The following IGF1R variants were observed in gnomAD, a reference collection of about 807,000 sequenced individuals.
The protein encoded by IGF1R is insulin like growth factor 1 receptor, also known as insulin-like growth factor 1 receptor.
In IGF1R, 44 loss-of-function variants were observed where a neutral mutation model predicts 144.6. The observed-to-expected ratio is 0.30, with a 90% CI of 0.24 to 0.39. IGF1R has a LOEUF of 0.39. Among genes scored for constraint, IGF1R ranks in the 10% least tolerant of loss-of-function variants. The probability of loss-of-function intolerance (pLI) is 1.00; values close to 1 mark genes in which losing one functional copy is unlikely to be tolerated. For synonymous variants in IGF1R, 795 were observed against 722.8 expected (o/e 1.10, Z -1.60); for missense variants, 1,355 against 1,833.7 (o/e 0.74, Z 4.77).
intron 2 of IGF1R, chr15:98,890,650 T>C (rs2013862061): frequency 6.5e-6 from 1 of 154,138 alleles, no homozygotes; most frequent in South Asian, 2.0e-4. Context: ...TCTCTTGGGG[T>C]CTGGATCAGG....
intron 20 of IGF1R, among the ~76,000 whole-genome samples, chr15:98,949,760 G>A (rs1272004740): frequency 6.6e-6 from 1 of 152,200 alleles, no homozygotes; most frequent in Non-Finnish European, 1.5e-5. Context: ...TCACAGTGTT[G>A]GTGAGGCCTC....
At chr15:98,823,707 T>C (rs1447401341) in intron 2 of IGF1R, among the ~76,000 whole-genome samples, 3 of 152,172 alleles carry the variant, frequency 2.0e-5, no homozygotes, top group Non-Finnish European at 4.4e-5. Flanking sequence ...CCTGTTAAAT[T>C]CACAGTGCTT....
intron 2 of IGF1R, among the ~76,000 whole-genome samples, chr15:98,773,644 C>T (rs45540436): frequency 6.6e-6 from 1 of 152,064 alleles, no homozygotes; most frequent in Non-Finnish European, 1.5e-5. Flanking sequence ...AACTAGCATT[C>T]GAGCGTCCTC....
intron 2 of IGF1R, among the ~76,000 whole-genome samples, chr15:98,849,259 C>T (rs552717440): frequency 7.9e-5 from 12 of 152,104 alleles, no homozygotes; most frequent in Non-Finnish European, 1.6e-4. Context: ...TTTAGTTATT[C>T]GATAAAGGTA....
At chr15:98,953,517 A>G (rs2016859697) in intron 20 of IGF1R, among the ~76,000 whole-genome samples, 1 of 152,122 alleles carries the variant, frequency 6.6e-6, no homozygotes, top group Admixed American at 6.5e-5. Flanking sequence ...CACACAGATG[A>G]GCCAGGAGTG....
At chr15:98,940,187 A>G (rs900940205) in intron 18 of IGF1R, among the ~76,000 whole-genome samples, 1 of 152,198 alleles carries the variant, frequency 6.6e-6, no homozygotes, top group Non-Finnish European at 1.5e-5. Flanking sequence ...CTATGATACA[A>G]TGATAGTTTA....
At chr15:98,688,494 GCA>G (rs1412520784) in intron 1 of IGF1R, among the ~76,000 whole-genome samples, 4 of 151,478 alleles carry the variant, frequency 2.6e-5, no homozygotes, top group African/African-American at 9.7e-5. Context: ...CGTAGCGTTG[GCA>G]CATGTGGGAA....
In IGF1R at chr15:98,649,644, C is replaced by A. The variant is rs752179423; in HGVS notation, c.63C>A (p.Ala21=). ...TGTGGGGGCTCCTGTTTCTCTCCGCCGCGCTCTCGCTCTGGCCGACGAGTG... is the reference window on the plus strand; with the variant it reads ...TGTGGGGGCTCCTGTTTCTCTCCGCAGCGCTCTCGCTCTGGCCGACGAGTG... ...TSLWGLLFLS[A]ALSLWPTSGE... is the part of the protein sequence containing the mutation. The change falls in exon 1 of 21, where the codon GCC becomes GCA. Residue 21 remains alanine (A), a synonymous_variant. Coordinates refer to ENST00000650285, the MANE Select transcript of IGF1R (RefSeq NM_000875.5). 9.9e-6 allele frequency: 16 copies of A among 1,610,472 alleles called. No homozygotes were observed. Among genetic ancestry groups the A allele is most frequent in the Non-Finnish European group, 1.2e-5 (14 of 1,178,848 alleles).
intron 1 of IGF1R, among the ~76,000 whole-genome samples, chr15:98,658,008 T>G (rs2052524003): frequency 6.6e-6 from 1 of 152,184 alleles, no homozygotes; most frequent in African/African-American, 2.4e-5. Flanking sequence ...CTGATGGACT[T>G]GCCAGCTCCA....
At chr15:98,948,155 G>A (rs985665318) in intron 19 of IGF1R, among the ~76,000 whole-genome samples, 1 of 152,192 alleles carries the variant, frequency 6.6e-6, no homozygotes, top group African/African-American at 2.4e-5. Flanking sequence ...AGGCTACTAA[G>A]TCAATGTCCA....
At chr15:98,847,241 T>C (rs2011365161) in intron 2 of IGF1R, among the ~76,000 whole-genome samples, 1 of 152,176 alleles carries the variant, frequency 6.6e-6, no homozygotes, top group African/African-American at 2.4e-5. Context: ...ACTCCCAAAG[T>C]GCTGGGATTA....
At chr15:98,794,084 G>A (rs1202057986) in intron 2 of IGF1R, among the ~76,000 whole-genome samples, 11 of 152,182 alleles carry the variant, frequency 7.2e-5, no homozygotes, top group African/African-American at 2.2e-4. Flanking sequence ...GTCACAAATG[G>A]CAGTGTCCTC....
chr15:98,776,630 G>A (rs2055723142), intron 2 of IGF1R, among the ~76,000 whole-genome samples: 2 of 152,096 alleles, frequency 1.3e-5, no homozygotes, highest in South Asian at 4.2e-4. Context: ...AATAACATAG[G>A]TGCATGTGAA....
At chr15:98,947,658 C>G (rs1041913917) in intron 19 of IGF1R, among the ~76,000 whole-genome samples, 2 of 152,328 alleles carry the variant, frequency 1.3e-5, no homozygotes, top group South Asian at 4.1e-4. Flanking sequence ...TGTGTGTACT[C>G]TCTGTTTTGT....
intron 2 of IGF1R, among the ~76,000 whole-genome samples, chr15:98,834,299 C>G (rs1042076622): frequency 2.6e-5 from 4 of 152,212 alleles, no homozygotes; most frequent in Non-Finnish European, 5.9e-5. Flanking sequence ...TGGTGGAAAC[C>G]TCAGAAGCTG....
chr15:98,677,386 A>G (rs2053075174), intron 1 of IGF1R, among the ~76,000 whole-genome samples: 1 of 152,180 alleles, frequency 6.6e-6, no homozygotes, highest in African/African-American at 2.4e-5. Context: ...TGTGCCGAGA[A>G]TCATTGATGA....
At chr15:98,698,832 T>G (rs2053658529) in intron 1 of IGF1R, among the ~76,000 whole-genome samples, 1 of 152,152 alleles carries the variant, frequency 6.6e-6, no homozygotes, top group African/African-American at 2.4e-5. Context: ...CACTGCAGGG[T>G]AGGGGAACAG....
intron 2 of IGF1R, among the ~76,000 whole-genome samples, chr15:98,745,814 T>G (rs897262995): frequency 5.9e-5 from 9 of 152,186 alleles, no homozygotes; most frequent in Admixed American, 1.3e-4. Context: ...CTGTTGAGAG[T>G]GTAAAACGGT....
At chr15:98,667,843 C>G (rs745711782) in intron 1 of IGF1R, among the ~76,000 whole-genome samples, 2 of 151,966 alleles carry the variant, frequency 1.3e-5, no homozygotes, top group Non-Finnish European at 2.9e-5. Context: ...CTCTCATCCT[C>G]CCCTTTTGCT....
Sources: gnomAD v4.1 joint callset for allele counts (sites outside exome capture counted in the v4.1 genomes callset) on GRCh38, gnomAD v4.1.1 for gene constraint, MANE v1.5 for transcripts, NCBI Gene and HGNC (gene_info 2026-07-23, HGNC 2026-07-21) for gene names.